The following PIWIL1 variants were observed in gnomAD, a reference collection of about 807,000 sequenced individuals.
PIWIL1 encodes piwi-like protein 1.
PIWIL1 carries 73 observed loss-of-function variants against 114.4 expected under a neutral mutation model. The observed-to-expected ratio is 0.64, with a 90% CI of 0.53 to 0.78. The LOEUF (loss-of-function observed/expected upper bound fraction) is 0.78. Among genes scored for constraint, PIWIL1 ranks in the 30% least tolerant of loss-of-function variants. The pLI, the probability that PIWIL1 is intolerant of heterozygous loss-of-function variation, is 0.00. For synonymous variants in PIWIL1, 375 were observed against 369.0 expected (o/e 1.02, Z -0.19); for missense variants, 723 against 1,063.1 (o/e 0.68, Z 4.45).
the PIWIL1 span, among the ~76,000 whole-genome samples, chr12:130,377,997 T>G: frequency 1.3e-5 from 2 of 152,252 alleles, no homozygotes. Context: ...ATGCCATTGC[T>G]TCTGATTTAA....
chr12:130,371,120 CTG>C, intron 19 of PIWIL1, 54 bp from the exon 20 acceptor site: 1 of 1,456,362 alleles, frequency 6.9e-7, no homozygotes, highest in Non-Finnish European at 9.6e-7. Context: ...CTGTAAGAAA[CTG>C]GAATCACCCT....
chr12:130,404,473 T>C, the PIWIL1 span, among the ~76,000 whole-genome samples: 15,898 of 152,094 alleles, frequency 0.1, 928 homozygotes, highest in South Asian at 0.2. Flanking sequence ...AATTCTTTTG[T>C]ATTTTCAGTA....
At chr12:130,407,583 T>A in the PIWIL1 span, 1 of 755,196 alleles carries the variant, frequency 1.3e-6, no homozygotes, top group Non-Finnish European at 2.4e-6. Context: ...GTATCAGCCA[T>A]CCCTCGGATC....
At chr12:130,355,072 G>A (rs922984771) in intron 11 of PIWIL1, 67 bp downstream of exon 11, 5 of 975,872 alleles carry the variant, frequency 5.1e-6, no homozygotes, top group Non-Finnish European at 6.6e-6. Flanking sequence ...GGCTTTGAGG[G>A]GTATCTTTTG....
chr12:130,399,941 A>T, the PIWIL1 span: 2 of 1,015,972 alleles, frequency 2.0e-6, no homozygotes, highest in Non-Finnish European at 2.8e-6. Context: ...AAGTGGCAGG[A>T]CTTGAAAGGA....
At chr12:130,399,893 T>C in the PIWIL1 span, 1 of 1,478,704 alleles carries the variant, frequency 6.8e-7, no homozygotes, top group Non-Finnish European at 9.3e-7. Context: ...GGAATACAGC[T>C]CAGAGTACAG....
rs2073380737 is a variant in PIWIL1, at chr12:130,357,010, C to T, written c.1497C>T (p.Ile499=). The change falls in exon 13 of 21, where the codon ATC becomes ATT. Residue 499 remains isoleucine, a synonymous_variant. Coordinates refer to ENST00000245255, the MANE Select transcript of PIWIL1 (RefSeq NM_004764.5). The part of the protein sequence containing the change: ...SVKPLDNWLL[I]YTRRNYEAAN... ...AGCCACTAGATAACTGGCTGTTGAT[C>T]TATACGCGAAGAAATTATGAAGCAG... The T allele has an allele frequency of 1.2e-6, 2 of 1,613,634 alleles. No individual in the cohort carries two copies. Among genetic ancestry groups the T allele is most frequent in the Middle Eastern group, 1.7e-4 (1 of 6,024 alleles).
At chr12:130,387,837 A>G in the PIWIL1 span, among the ~76,000 whole-genome samples, 2 of 152,232 alleles carry the variant, frequency 1.3e-5, no homozygotes, top group East Asian at 3.8e-4. Context: ...ATTTATTTTT[A>G]GTTGGTTTTG....
the PIWIL1 span, chr12:130,399,108 C>A: frequency 7.3e-7 from 1 of 1,376,628 alleles, no homozygotes; most frequent in South Asian, 2.3e-5. Context: ...TTCAGTTGCT[C>A]ACTTACGTGA....
At chr12:130,378,237 C>T in the PIWIL1 span, among the ~76,000 whole-genome samples, 2 of 152,274 alleles carry the variant, frequency 1.3e-5, no homozygotes, top group South Asian at 4.2e-4. Context: ...AACCGGGTAG[C>T]ATGCACTCTT....
At chr12:130,391,831 C>A in the PIWIL1 span, among the ~76,000 whole-genome samples, 2 of 152,164 alleles carry the variant, frequency 1.3e-5, no homozygotes, top group Non-Finnish European at 2.9e-5. Context: ...TGAACCTTAA[C>A]AGAGATGCTG....
At chr12:130,344,091 G>C (rs929010949) in intron 3 of PIWIL1, among the ~76,000 whole-genome samples, 13 of 152,180 alleles carry the variant, frequency 8.5e-5, no homozygotes, top group African/African-American at 3.1e-4. Context: ...TTGGCTAAGT[G>C]TCATAGCAGT....
the PIWIL1 span, among the ~76,000 whole-genome samples, chr12:130,391,440 C>G: frequency 6.6e-6 from 1 of 152,214 alleles, no homozygotes; most frequent in East Asian, 1.9e-4. Flanking sequence ...GACTGCTCAT[C>G]AAATGCTATC....
At chr12:130,339,177 C>A (rs1256341833) in intron 1 of PIWIL1, among the ~76,000 whole-genome samples, 1 of 152,020 alleles carries the variant, frequency 6.6e-6, no homozygotes, top group South Asian at 2.1e-4. Flanking sequence ...AGGCGGCGAC[C>A]GCGACGGCCG....
intron 1 of PIWIL1, among the ~76,000 whole-genome samples, chr12:130,341,468 C>G (rs980887475): frequency 3.3e-5 from 5 of 152,244 alleles, no homozygotes; most frequent in Non-Finnish European, 7.3e-5. Context: ...AAAGATAACA[C>G]TACTAGCATC....
At chr12:130,408,103 G>A in the PIWIL1 span, among the ~76,000 whole-genome samples, 1 of 152,158 alleles carries the variant, frequency 6.6e-6, no homozygotes, top group African/African-American at 2.4e-5. Context: ...AAACCAGTGA[G>A]ACTCACATGA....
chr12:130,399,333 CAG>C, the PIWIL1 span, among the ~76,000 whole-genome samples: 666 of 152,272 alleles, frequency 4.4e-3, 11 homozygotes, highest in Admixed American at 0.037. Context: ...AAAGTCCTAA[CAG>C]AGGGCAAATA....
chr12:130,404,838 A>G, the PIWIL1 span, among the ~76,000 whole-genome samples: 1 of 152,238 alleles, frequency 6.6e-6, no homozygotes, highest in Admixed American at 6.5e-5. Flanking sequence ...CATTATAAAA[A>G]TACAATAATT....
chr12:130,349,125 C>A, intron 7 of PIWIL1, 114 bp from the exon 8 acceptor site: 1 of 639,286 alleles, frequency 1.6e-6, no homozygotes, highest in East Asian at 2.7e-5. Flanking sequence ...GAAATTGATT[C>A]ATTCAGAAAC....
Sources: gnomAD v4.1 joint callset for allele counts (sites outside exome capture counted in the v4.1 genomes callset) on GRCh38, gnomAD v4.1.1 for gene constraint, MANE v1.5 for transcripts, NCBI Gene and HGNC (gene_info 2026-07-23, HGNC 2026-07-21) for gene names.